Variants in SESN1 observed in about 807,000 individuals in gnomAD.
SESN1 encodes the protein sestrin-1.
In SESN1, 30 loss-of-function variants were observed where a neutral mutation model predicts 59.3. That is an observed-to-expected ratio of 0.51 (90% CI 0.38 to 0.69). The LOEUF (loss-of-function observed/expected upper bound fraction) is 0.69. SESN1 is among the 30% of genes least tolerant of loss of function. The pLI is 0.00. For synonymous variants in SESN1, 197 were observed against 219.9 expected (o/e 0.90, Z 0.92); for missense variants, 566 against 673.0 (o/e 0.84, Z 1.76).
intron 1 of SESN1, among the ~76,000 whole-genome samples, chr6:109,072,904 T>C (rs1780962456): frequency 6.6e-6 from 1 of 152,208 alleles, no homozygotes; most frequent in Non-Finnish European, 1.5e-5. Flanking sequence ...AGTCAATTTT[T>C]TTTTTAATAA....
intron 8 of SESN1, 51 bp downstream of exon 8, chr6:108,990,594 A>T: frequency 6.5e-7 from 1 of 1,546,636 alleles, no homozygotes; most frequent in Non-Finnish European, 8.9e-7. Flanking sequence ...GCACTTGAAT[A>T]ATTTGGCCCA....
chr6:109,088,890 CCTT>C (rs1326028418), intron 1 of SESN1, among the ~76,000 whole-genome samples: 1 of 152,070 alleles, frequency 6.6e-6, no homozygotes, highest in Non-Finnish European at 1.5e-5. Context: ...GAATAGAAAA[CCTT>C]CTTCAAAAGC....
chr6:109,012,405 C>T (rs1454111567), intron 1 of SESN1, among the ~76,000 whole-genome samples: 1 of 152,158 alleles, frequency 6.6e-6, no homozygotes, highest in Admixed American at 6.5e-5. Flanking sequence ...ACTTACTCAA[C>T]TGTATCAAAG....
intron 8 of SESN1, 31 bp downstream of exon 8, chr6:108,990,614 A>T (rs1779353210): frequency 1.2e-6 from 2 of 1,606,404 alleles, no homozygotes; most frequent in South Asian, 1.1e-5. Context: ...AGAGGAAAAC[A>T]TCTCTTTATA....
chr6:108,992,658 T>C (rs1779410234), intron 7 of SESN1, 129 bp downstream of exon 7: 1 of 680,250 alleles, frequency 1.5e-6, no homozygotes, highest in South Asian at 1.7e-5. Flanking sequence ...TCACCTTTTA[T>C]TCTGAAACAA....
At chr6:108,991,911 C>T (rs899819011) in intron 7 of SESN1, among the ~76,000 whole-genome samples, 2 of 152,122 alleles carry the variant, frequency 1.3e-5, no homozygotes, top group Admixed American at 1.3e-4. Context: ...CCTTCCTTCA[C>T]TCTATCCCTC....
intron 1 of SESN1, among the ~76,000 whole-genome samples, chr6:109,033,080 A>G (rs1311677724): frequency 6.6e-6 from 1 of 152,094 alleles, no homozygotes; most frequent in Non-Finnish European, 1.5e-5. Context: ...AGAGGAGGGG[A>G]AAAAGTCAAG....
chr6:108,999,020 C>T (rs1008722445), intron 4 of SESN1: 2 of 258,504 alleles, frequency 7.7e-6, no homozygotes, highest in Non-Finnish European at 1.5e-5. Flanking sequence ...ATGCATTTTG[C>T]TTAAAAGTGG....
chr6:109,020,123 A>G (rs1300360907), intron 1 of SESN1, among the ~76,000 whole-genome samples: 1 of 152,210 alleles, frequency 6.6e-6, no homozygotes, highest in African/African-American at 2.4e-5. Flanking sequence ...GCCAATCACA[A>G]AGCAGACAAA....
At chr6:109,048,750 C>G (rs547019241) in intron 1 of SESN1, among the ~76,000 whole-genome samples, 56 of 152,280 alleles carry the variant, frequency 3.7e-4, no homozygotes, top group African/African-American at 9.1e-4. Context: ...AATTACCTAT[C>G]TCTTCCTCAT....
At position 108,988,646 on chromosome 6, in the gene SESN1, TC is replaced by T; in HGVS notation, c.1465del (p.Asp489IlefsTer43). On this transcript the variant is annotated frameshift_variant, in exon 9 of 10. Transcript: ENST00000436639. LOFTEE classifies it high-confidence loss of function. The stretch of plus-strand genomic sequence containing the variant: ...TTTGATATAAACTTTAAAGCTACGA[TC>T]CAATAGCTGGTTAATTTCACCATAG... The part of the protein sequence containing the change: ...YDYGEINQLL[D>X]RSFKVYIKTV... The T allele has an allele frequency of 6.2e-7, 1 of 1,610,748 alleles. No homozygotes were observed. The highest frequency in any genetic ancestry group is 8.5e-7 in the Non-Finnish European group (1 of 1,178,076).
chr6:109,049,719 A>G (rs1780513102), intron 1 of SESN1, among the ~76,000 whole-genome samples: 1 of 150,006 alleles, frequency 6.7e-6, no homozygotes, highest in Non-Finnish European at 1.5e-5. Flanking sequence ...TATATTATAT[A>G]CTAATATTGA....
At chr6:109,057,937 C>T (rs1413442558) in intron 1 of SESN1, among the ~76,000 whole-genome samples, 1 of 152,114 alleles carries the variant, frequency 6.6e-6, no homozygotes, top group African/African-American at 2.4e-5. Context: ...AGAGAAGGAA[C>T]TGGCTGTCTC....
At chr6:109,049,502 A>G (rs1365279598) in intron 1 of SESN1, among the ~76,000 whole-genome samples, 1 of 152,106 alleles carries the variant, frequency 6.6e-6, no homozygotes, top group East Asian at 1.9e-4. Context: ...ACAATATTAT[A>G]TATTTTCAAA....
intron 1 of SESN1, among the ~76,000 whole-genome samples, chr6:109,007,619 T>C (rs1274042205): frequency 6.6e-6 from 1 of 152,150 alleles, no homozygotes; most frequent in Non-Finnish European, 1.5e-5. Flanking sequence ...CTCTGGGAGA[T>C]TGCCTATAGC....
intron 1 of SESN1, among the ~76,000 whole-genome samples, chr6:109,017,169 C>G (rs1779939786): frequency 6.6e-6 from 1 of 152,096 alleles, no homozygotes; most frequent in Non-Finnish European, 1.5e-5. Context: ...CTTTAAGGCT[C>G]TATTTGGCAT....
chr6:109,029,891 T>C (rs1780154483), intron 1 of SESN1, among the ~76,000 whole-genome samples: 1 of 152,166 alleles, frequency 6.6e-6, no homozygotes, highest in South Asian at 2.1e-4. Flanking sequence ...AGTTTGTATC[T>C]AATTACGTTA....
chr6:109,041,396 A>C (rs938140577), intron 1 of SESN1, among the ~76,000 whole-genome samples: 1 of 152,214 alleles, frequency 6.6e-6, no homozygotes, highest in Admixed American at 6.5e-5. Context: ...CCAACAACTC[A>C]GTAAATCTAC....
intron 1 of SESN1, among the ~76,000 whole-genome samples, chr6:109,021,359 T>C (rs1780007756): frequency 6.6e-6 from 1 of 152,194 alleles, no homozygotes; most frequent in East Asian, 1.9e-4. Context: ...AGATGTGTAT[T>C]TCCCCCAATA....
Sources: allele counts gnomAD v4.1 joint callset (sites outside exome capture counted in the v4.1 genomes callset), GRCh38; gene constraint gnomAD v4.1.1; transcripts MANE v1.5; gene names NCBI Gene and HGNC (gene_info 2026-07-23, HGNC 2026-07-21).